EPHB1: variants seen among roughly 807,000 people sequenced by gnomAD.
The protein encoded by EPHB1 is ephrin type-B receptor 1.
EPHB1 carries 30 observed loss-of-function variants against 94.4 expected under a neutral mutation model. The observed-to-expected ratio is 0.32, with a 90% CI of 0.24 to 0.43. The LOEUF (loss-of-function observed/expected upper bound fraction) is 0.43, where lower values mean the gene tolerates loss of function less well. Ranked by LOEUF, EPHB1 falls within the 20% of genes least tolerant of loss-of-function variation. The pLI is 1.00. For missense variants in EPHB1, 1,055 were observed against 1,308.3 expected (o/e 0.81, Z 2.99); for synonymous variants, 522 against 489.1 (o/e 1.07, Z -0.89).
intron 1 of EPHB1, among the ~76,000 whole-genome samples, chr3:134,906,099 A>C (rs1298193179): frequency 6.6e-6 from 1 of 152,148 alleles, no homozygotes; most frequent in Non-Finnish European, 1.5e-5. Context: ...CCAGCTGACA[A>C]ACACACTAAT....
chr3:135,180,370 T>C (rs1942121176), intron 10 of EPHB1, among the ~76,000 whole-genome samples: 1 of 152,270 alleles, frequency 6.6e-6, no homozygotes, highest in African/African-American at 2.4e-5. Flanking sequence ...AAAGTCAAGA[T>C]ATCTTGCCAT....
intron 1 of EPHB1, among the ~76,000 whole-genome samples, chr3:134,864,558 A>T (rs543982308): frequency 6.6e-6 from 1 of 152,154 alleles, no homozygotes; most frequent in Non-Finnish European, 1.5e-5. Flanking sequence ...CTATTTCTCT[A>T]CTAAGCCACA....
At chr3:135,084,085 A>G (rs1488219012) in intron 3 of EPHB1, among the ~76,000 whole-genome samples, 1 of 152,206 alleles carries the variant, frequency 6.6e-6, no homozygotes, top group African/African-American at 2.4e-5. Flanking sequence ...GCTCAGGGAT[A>G]TGCCAAGAAA....
At chr3:135,027,407 G>C (rs1936226597) in intron 3 of EPHB1, among the ~76,000 whole-genome samples, 1 of 146,184 alleles carries the variant, frequency 6.8e-6, no homozygotes, top group Non-Finnish European at 1.5e-5. Flanking sequence ...CTAATTTATT[G>C]AGAGTTTTTA....
At chr3:135,247,093 C>A (rs2107730592) in intron 13 of EPHB1, among the ~76,000 whole-genome samples, 1 of 152,218 alleles carries the variant, frequency 6.6e-6, no homozygotes, top group East Asian at 1.9e-4. Context: ...GTTTAAAATG[C>A]TTTAACTGTT....
intron 3 of EPHB1, among the ~76,000 whole-genome samples, chr3:135,078,150 G>T (rs981231057): frequency 6.6e-6 from 1 of 152,208 alleles, no homozygotes; most frequent in Non-Finnish European, 1.5e-5. Context: ...TAGATTTGAT[G>T]GGGTAAGAGG....
intron 3 of EPHB1, among the ~76,000 whole-genome samples, chr3:135,014,761 A>G (rs1171402070): frequency 6.6e-5 from 10 of 152,202 alleles, no homozygotes; most frequent in African/African-American, 2.4e-4. Flanking sequence ...ATTTCCCTGC[A>G]GGCCTTAGTG....
At chr3:134,850,263 C>A (rs2036953957) in intron 1 of EPHB1, among the ~76,000 whole-genome samples, 1 of 152,220 alleles carries the variant, frequency 6.6e-6, no homozygotes, top group South Asian at 2.1e-4. Context: ...AAAACAGCAG[C>A]TTTAAAGCTC....
chr3:134,998,799 C>T (rs1407471028), intron 3 of EPHB1, among the ~76,000 whole-genome samples: 1 of 152,172 alleles, frequency 6.6e-6, no homozygotes, highest in Non-Finnish European at 1.5e-5. Flanking sequence ...CACAGTGTCT[C>T]ATTCATAATA....
At chr3:134,857,077 G>C (rs1369969643) in intron 1 of EPHB1, among the ~76,000 whole-genome samples, 2 of 152,218 alleles carry the variant, frequency 1.3e-5, no homozygotes, top group Non-Finnish European at 2.9e-5. Flanking sequence ...CTGGGGTGGG[G>C]TGTCGTGGAA....
At chr3:135,027,503 A>G (rs1249542596) in intron 3 of EPHB1, among the ~76,000 whole-genome samples, 1 of 148,754 alleles carries the variant, frequency 6.7e-6, no homozygotes, top group African/African-American at 2.5e-5. Flanking sequence ...CTCTGTTTAT[A>G]TGCTGGATTA....
At chr3:135,249,273 G>T (rs1039513500) in intron 14 of EPHB1, 63 bp from the exon 15 acceptor site, 59 of 1,537,670 alleles carry the variant, frequency 3.8e-5, no homozygotes, top group Non-Finnish European at 4.7e-5. Context: ...TGTCAGGCCA[G>T]ACTGGGGCAC....
Position 135,022,476 on chromosome 3 carries a change from C to T in EPHB1, c.805+70424C>T, listed in dbSNP as rs368493707. On this transcript the variant is annotated intron_variant, in intron 3 of 15. Transcript: ENST00000398015. ...TATGTTTCTTAAAAGTTTGAAGAAA[C>T]CCACTTGTAACACTACTCGGTCTTG... is the stretch of plus-strand genomic sequence containing the variant. Among the ~76,000 whole-genome samples the T allele has an allele frequency of 1.6e-3, 242 of 152,194 alleles. 2 individuals carry two copies. Among genetic ancestry groups the T allele is most frequent in the African/African-American group, 5.7e-3 (238 of 41,546 alleles).
At chr3:134,881,196 A>G (rs1195016139) in intron 1 of EPHB1, among the ~76,000 whole-genome samples, 1 of 152,072 alleles carries the variant, frequency 6.6e-6, no homozygotes, top group Non-Finnish European at 1.5e-5. Context: ...CTGTTTCCAA[A>G]GCAGGAAACA....
In EPHB1 at chr3:135,166,180, C is replaced by T. The variant is rs1287388529; in HGVS notation, c.1694+104C>T. On this transcript the variant is annotated intron_variant, in intron 8 of 15. Coordinates refer to ENST00000398015, the MANE Select transcript of EPHB1 (RefSeq NM_004441.5). Reference sequence around the variant, plus strand: ...CAGATAGGGTGTGACCATTCACGACCACAATCATCACTCCATCTCAATCCA... The same window carrying T: ...CAGATAGGGTGTGACCATTCACGACTACAATCATCACTCCATCTCAATCCA... The T allele has an allele frequency of 6.7e-6, 5 of 750,396 alleles. No individual in the cohort carries two copies. The Admixed American group carries it at 1.0e-4, about 16-fold the overall frequency. 46.5% of individuals were successfully genotyped at this position (750,396 alleles called of 1,614,324 possible).
intron 12 of EPHB1, among the ~76,000 whole-genome samples, chr3:135,223,197 T>G (rs1050576564): frequency 6.6e-6 from 1 of 152,146 alleles, no homozygotes; most frequent in South Asian, 2.1e-4. Context: ...GCTCACCCAT[T>G]ATATATGAGT....
intron 1 of EPHB1, among the ~76,000 whole-genome samples, chr3:134,808,398 A>G (rs549108890): frequency 1.5e-4 from 23 of 152,264 alleles, no homozygotes; most frequent in African/African-American, 5.3e-4. Flanking sequence ...CTGAGGGGGA[A>G]GGGCTAGCTC....
At chr3:135,244,694 C>G (rs1389402171) in intron 13 of EPHB1, among the ~76,000 whole-genome samples, 1 of 152,146 alleles carries the variant, frequency 6.6e-6, no homozygotes, top group Non-Finnish European at 1.5e-5. Context: ...CATTAGAAGA[C>G]CAAAGCTATT....
At chr3:135,257,534 G>T (rs981708229) in intron 15 of EPHB1, among the ~76,000 whole-genome samples, 3 of 152,086 alleles carry the variant, frequency 2.0e-5, no homozygotes, top group Admixed American at 6.6e-5. Context: ...TGCTGGGGGG[G>T]TCAGGGGTCA....
Sources: gnomAD v4.1 joint callset for allele counts (sites outside exome capture counted in the v4.1 genomes callset) on GRCh38, gnomAD v4.1.1 for gene constraint, MANE v1.5 for transcripts, NCBI Gene and HGNC (gene_info 2026-07-23, HGNC 2026-07-21) for gene names.